Variants in TRAPPC8 observed in about 807,000 individuals in gnomAD.
The protein encoded by TRAPPC8 is trafficking protein particle complex subunit 8.
In TRAPPC8, 54 loss-of-function variants were observed where a neutral mutation model predicts 174.3. That is an observed-to-expected ratio of 0.31 (90% CI 0.25 to 0.39). TRAPPC8 has a LOEUF of 0.39. Ranked by LOEUF, TRAPPC8 falls within the 10% of genes least tolerant of loss-of-function variation. TRAPPC8 has a pLI of 1.00. For missense variants in TRAPPC8, 1,531 were observed against 1,699.1 expected, an observed-to-expected ratio of 0.90 and a Z score of 1.74; for synonymous variants, 630 against 579.9, an observed-to-expected ratio of 1.09 and a Z score of -1.24.
intron 9 of TRAPPC8, among the ~76,000 whole-genome samples, chr18:31,904,331 C>T (rs554681277): frequency 6.6e-6 from 1 of 152,172 alleles, no homozygotes; most frequent in South Asian, 2.1e-4. Flanking sequence ...GGGTGGATCA[C>T]CTGAAGTCTG....
At chr18:31,917,852 G>A (rs1014155822) in intron 2 of TRAPPC8, among the ~76,000 whole-genome samples, 185 bp from the exon 3 acceptor site, 5 of 152,116 alleles carry the variant, frequency 3.3e-5, no homozygotes, top group Admixed American at 1.3e-4. Flanking sequence ...GGCCTGGCAC[G>A]GTGGCTCAGG....
chr18:31,925,365 GAGA>G (rs1356229942), intron 2 of TRAPPC8, among the ~76,000 whole-genome samples: 1 of 151,542 alleles, frequency 6.6e-6, no homozygotes, highest in African/African-American at 2.4e-5. Flanking sequence ...GGAAAATCTA[GAGA>G]AGAAAATAGC....
At chr18:31,905,404 T>C (rs960637068) in intron 9 of TRAPPC8, among the ~76,000 whole-genome samples, 5 of 152,186 alleles carry the variant, frequency 3.3e-5, no homozygotes, top group South Asian at 2.1e-4. Context: ...ATATGGACTG[T>C]GTCTCCAGAG....
chr18:31,880,090 A>AAAAAAAAAAAAAT (rs1259899654), intron 12 of TRAPPC8, among the ~76,000 whole-genome samples: 7 of 85,380 alleles, frequency 8.2e-5, no homozygotes, highest in African/African-American at 3.1e-4. Flanking sequence ...TGAAAAAAAA[A>AAAAAAAAAAAAAT]ATATATATAT....
intron 1 of TRAPPC8, 114 bp downstream of exon 1, chr18:31,942,494 C>T (rs1568166067): frequency 3.0e-6 from 4 of 1,328,964 alleles, no homozygotes; most frequent in East Asian, 3.0e-5. Context: ...CCAGACGCCA[C>T]GGTACCGGCT....
intron 1 of TRAPPC8, among the ~76,000 whole-genome samples, chr18:31,939,958 C>T (rs569719001): frequency 3.9e-5 from 6 of 152,258 alleles, no homozygotes; most frequent in South Asian, 2.1e-4. Flanking sequence ...GACAATGAGC[C>T]GCTATCACAG....
chr18:31,841,986 T>C (rs548673071), intron 26 of TRAPPC8, among the ~76,000 whole-genome samples: 2 of 152,282 alleles, frequency 1.3e-5, no homozygotes, highest in East Asian at 3.9e-4. Context: ...TCCTCCCACC[T>C]CAGTCTTCTA....
chr18:31,881,574 A>C (rs188223018), intron 12 of TRAPPC8, among the ~76,000 whole-genome samples: 1 of 152,324 alleles, frequency 6.6e-6, no homozygotes, highest in Non-Finnish European at 1.5e-5. Flanking sequence ...ACCCTTCTGG[A>C]CATCACCCTT....
At chr18:31,907,867 T>C (rs1055909346) in intron 8 of TRAPPC8, among the ~76,000 whole-genome samples, 7 of 152,178 alleles carry the variant, frequency 4.6e-5, no homozygotes, top group Admixed American at 1.3e-4. Context: ...ATGAAGTAAA[T>C]GGTTAATTCC....
intron 16 of TRAPPC8, among the ~76,000 whole-genome samples, chr18:31,868,773 G>T (rs2034705214): frequency 6.6e-6 from 1 of 151,818 alleles, no homozygotes; most frequent in Non-Finnish European, 1.5e-5. Context: ...CATGACCTTG[G>T]CTCACTGCAG....
At chr18:31,850,590 T>C (rs1568042973) in intron 24 of TRAPPC8, among the ~76,000 whole-genome samples, 1 of 152,230 alleles carries the variant, frequency 6.6e-6, no homozygotes. Context: ...TTTATATTTA[T>C]GGTTTCCTGT....
chr18:31,917,414 A>T lies in TRAPPC8; in HGVS notation c.442+164T>A, dbSNP rs551500454. On this transcript the variant is annotated intron_variant, in intron 3 of 28. Transcript: ENST00000283351. ...AAATTGTTATAGCAGTCCTGTATCT[A>T]GGAGGCCATTTAACAAAATAACAAG... Among the ~76,000 whole-genome samples, 327 of 151,576 alleles carry T rather than the reference A, an allele frequency of 2.2e-3. 1 individual carries two copies. Among genetic ancestry groups the T allele is most frequent in the African/African-American group, 7.1e-3 (294 of 41,306 alleles).
chr18:31,847,637 T>C (rs746043619), intron 25 of TRAPPC8, among the ~76,000 whole-genome samples: 3 of 152,184 alleles, frequency 2.0e-5, no homozygotes, highest in East Asian at 1.9e-4. Flanking sequence ...CAGTAAGGCA[T>C]AGGATGGCTC....
chr18:31,911,755 T>C (rs1484524909), intron 5 of TRAPPC8, among the ~76,000 whole-genome samples: 1 of 30,234 alleles, frequency 3.3e-5, no homozygotes, highest in Admixed American at 6.0e-4. Context: ...AGACTCCGTC[T>C]CAAAAAAAAA....
At chr18:31,835,037 T>C (rs561370704) in intron 27 of TRAPPC8, among the ~76,000 whole-genome samples, 2 of 152,216 alleles carry the variant, frequency 1.3e-5, no homozygotes, top group Non-Finnish European at 2.9e-5. Context: ...TTCTTTCTAC[T>C]ACCTCTCCTG....
chr18:31,845,865 T>G (rs1460003093), intron 26 of TRAPPC8, among the ~76,000 whole-genome samples: 5 of 152,190 alleles, frequency 3.3e-5, no homozygotes, highest in Non-Finnish European at 7.3e-5. Flanking sequence ...TTGTTTGAAT[T>G]ACTAGACTAA....
intron 1 of TRAPPC8, among the ~76,000 whole-genome samples, chr18:31,941,707 C>T (rs1457057157): frequency 2.6e-5 from 4 of 152,278 alleles, no homozygotes; most frequent in Middle Eastern, 3.4e-3. Flanking sequence ...TCATATTAAG[C>T]TAACAAACAT....
intron 2 of TRAPPC8, among the ~76,000 whole-genome samples, chr18:31,929,173 CTCCGT>C (rs2037748109): frequency 6.7e-6 from 1 of 148,518 alleles, no homozygotes; most frequent in Non-Finnish European, 1.5e-5. Context: ...CAGAGTGAGA[CTCCGT>C]CTCAAAAAAA....
intron 10 of TRAPPC8, among the ~76,000 whole-genome samples, chr18:31,900,228 C>A (rs2036360611): frequency 6.6e-6 from 1 of 151,998 alleles, no homozygotes; most frequent in Non-Finnish European, 1.5e-5. Flanking sequence ...AGCAAGACTC[C>A]TCCTCAAAAA....
Sources: allele counts gnomAD v4.1 joint callset (sites outside exome capture counted in the v4.1 genomes callset), GRCh38; gene constraint gnomAD v4.1.1; transcripts MANE v1.5; gene names NCBI Gene and HGNC (gene_info 2026-07-23, HGNC 2026-07-21).